Variants in SCN9A observed in about 807,000 individuals in gnomAD.
The protein encoded by SCN9A is sodium channel protein type 9 subunit alpha.
In SCN9A, 131 loss-of-function variants were observed where a neutral mutation model predicts 187.0. The observed-to-expected ratio is 0.70, with a 90% CI of 0.61 to 0.81. The LOEUF (loss-of-function observed/expected upper bound fraction) is 0.81, where lower values mean the gene tolerates loss of function less well. Among genes scored for constraint, SCN9A ranks in the 30% least tolerant of loss-of-function variants. SCN9A has a pLI of 0.00. For synonymous variants in SCN9A, 809 were observed against 808.6 expected, an observed-to-expected ratio of 1.00 and a Z score of -0.01; for missense variants, 2,252 against 2,396.6, an observed-to-expected ratio of 0.94 and a Z score of 1.26.
chr2:166,301,621 G>A (rs1698558699), intron 7 of SCN9A: 1 of 150,788 alleles, frequency 6.6e-6, no homozygotes, highest in South Asian at 2.1e-4. Flanking sequence ...TATAAACTCA[G>A]AAATAGGAGC....
intron 10 of SCN9A, among the ~76,000 whole-genome samples, chr2:166,286,989 A>G (rs930456059): frequency 1.3e-5 from 2 of 152,166 alleles, no homozygotes; most frequent in Non-Finnish European, 2.9e-5. Context: ...AATTAACTCC[A>G]TATCATCAAT....
In SCN9A at chr2:166,229,048, C is replaced by A. The variant is rs1177416513; in HGVS notation, c.3925-76G>T. On this transcript the variant is annotated intron_variant, in intron 21 of 26. Transcript: ENST00000642356. Reference sequence around the variant, plus strand: ...TAGGCAACATGAAAGAAATGCCATGCAGACATAAATAAATTAGAAAAGCCG... The same window carrying A: ...TAGGCAACATGAAAGAAATGCCATGAAGACATAAATAAATTAGAAAAGCCG... The A allele has an allele frequency of 4.2e-6, 5 of 1,191,944 alleles. No homozygotes were observed. In the East Asian group the frequency reaches 9.4e-5, roughly 22 times the overall value. The allele number at this position is 1,191,944 out of a possible 1,614,324, so 73.8% of individuals were successfully genotyped here. A position where few individuals can be genotyped will look rare whatever the true frequency, so the allele number is the denominator to read the frequency against.
chr2:166,328,788 CTA>C (rs1362066000), intron 1 of SCN9A, among the ~76,000 whole-genome samples: 1 of 152,030 alleles, frequency 6.6e-6, no homozygotes, highest in Non-Finnish European at 1.5e-5. Flanking sequence ...GTTTTCAAAA[CTA>C]TATAGGTTAA....
chr2:166,354,088 C>T (rs1441357826), intron 1 of SCN9A, among the ~76,000 whole-genome samples: 2 of 151,624 alleles, frequency 1.3e-5, no homozygotes, highest in African/African-American at 4.8e-5. Context: ...GTTCCAAGAG[C>T]ATCTTCAAAC....
chr2:166,316,399 A>G (rs1699108804), intron 1 of SCN9A, among the ~76,000 whole-genome samples: 2 of 152,336 alleles, frequency 1.3e-5, no homozygotes, highest in Admixed American at 1.3e-4. Context: ...TGAAAGTAAT[A>G]AATAATGTGT....
chr2:166,205,127 C>T (rs1693735790), intron 24 of SCN9A: 1 of 151,428 alleles, frequency 6.6e-6, no homozygotes, highest in Non-Finnish European at 1.5e-5. Flanking sequence ...ATCAAGCTAC[C>T]ACTGACTTTC....
intron 17 of SCN9A, among the ~76,000 whole-genome samples, chr2:166,260,144 C>T (rs1400776449): frequency 2.6e-5 from 4 of 151,672 alleles, no homozygotes; most frequent in South Asian, 2.1e-4. Context: ...TTAAAACCAC[C>T]ACATAGTAAA....
intron 1 of SCN9A, among the ~76,000 whole-genome samples, chr2:166,349,281 A>T (rs1699977281): frequency 6.6e-6 from 1 of 152,198 alleles, no homozygotes; most frequent in Non-Finnish European, 1.5e-5. Context: ...ATACTTATTC[A>T]GTTGTATACA....
intron 17 of SCN9A, among the ~76,000 whole-genome samples, chr2:166,268,596 G>A (rs1696842959): frequency 6.6e-6 from 1 of 151,778 alleles, no homozygotes; most frequent in Non-Finnish European, 1.5e-5. Context: ...TGATCTGAAT[G>A]GGAAAACAAA....
intron 8 of SCN9A, among the ~76,000 whole-genome samples, chr2:166,294,052 C>T (rs1220739340): frequency 6.6e-6 from 1 of 152,130 alleles, no homozygotes; most frequent in Non-Finnish European, 1.5e-5. Flanking sequence ...GCTTATGCAG[C>T]TGATGCTACA....
intron 9 of SCN9A, among the ~76,000 whole-genome samples, chr2:166,292,070 T>G (rs947444490): frequency 6.6e-6 from 1 of 151,940 alleles, no homozygotes; most frequent in Admixed American, 6.6e-5. Context: ...AATTGACAAA[T>G]GGGATATAAC....
At chr2:166,242,423 CATG>C (rs1695606140) in intron 19 of SCN9A, 76 bp downstream of exon 19, 1 of 1,254,926 alleles carries the variant, frequency 8.0e-7, no homozygotes, top group African/African-American at 1.5e-5. Flanking sequence ...AACAACTTGC[CATG>C]ATATTTTTAT....
intron 2 of SCN9A, among the ~76,000 whole-genome samples, chr2:166,308,732 C>A (rs2106530271): frequency 6.6e-6 from 1 of 152,046 alleles, no homozygotes; most frequent in African/African-American, 2.4e-5. Context: ...ACCATCCTGG[C>A]TAACACGGTG....
chr2:166,199,117 A>T lies in SCN9A; in HGVS notation c.5522T>A (p.Ile1841Asn). The part of the protein sequence containing the change: ...VSGDRIHCLD[I>N]LFAFTKRVLG... ...AACACGCTTTGTAAAAGCAAATAAG[A>T]TGTCAAGACAATGGATCCGGTCACC... The change falls in exon 27 of 27, where the codon ATC (isoleucine) becomes AAC (asparagine). Residue 1841 changes from isoleucine (I) to asparagine (N), a missense_variant. By Grantham distance (149) the Ile-to-Asn change is moderately radical (BLOSUM62 -3). Around this residue, in one of 7 missense-constraint regions of SCN9A, gnomAD observed 345 missense variants for 344.6 expected, o/e 1.00. Coordinates refer to ENST00000642356, the MANE Select transcript of SCN9A (RefSeq NM_001365536.1). 6.2e-7 allele frequency: 1 copy of T among 1,614,210 alleles called. No individual in the cohort carries two copies. The highest frequency in any genetic ancestry group is 2.2e-5 in the East Asian group (1 of 44,876).
chr2:166,331,941 C>T (rs1438415483), intron 1 of SCN9A, among the ~76,000 whole-genome samples: 6 of 152,120 alleles, frequency 3.9e-5, no homozygotes, highest in South Asian at 4.2e-4. Flanking sequence ...TCCTTCTTAT[C>T]TAGAATGAAC....
intron 21 of SCN9A, among the ~76,000 whole-genome samples, chr2:166,231,587 T>A (rs1171294342): frequency 2.1e-5 from 3 of 141,414 alleles, no homozygotes; most frequent in African/African-American, 8.0e-5. Flanking sequence ...AGTCTTGCTC[T>A]GTTCCCCAGG....
At chr2:166,319,428 G>A (rs1699185312) in intron 1 of SCN9A, among the ~76,000 whole-genome samples, 1 of 151,144 alleles carries the variant, frequency 6.6e-6, no homozygotes, top group Admixed American at 6.6e-5. Flanking sequence ...AAGGGAATTT[G>A]TTTCTTTAGA....
intron 16 of SCN9A, 75 bp from the exon 17 acceptor site, chr2:166,272,950 CTT>C: frequency 1.4e-6 from 1 of 710,492 alleles, no homozygotes. Context: ...AATAAGTACA[CTT>C]TTCCGAATAT....
chr2:166,224,516 CTCT>C (rs1694764365), intron 24 of SCN9A, among the ~76,000 whole-genome samples: 1 of 152,142 alleles, frequency 6.6e-6, no homozygotes, highest in African/African-American at 2.4e-5. Flanking sequence ...CTCCAAAGAT[CTCT>C]TTTTGTATAG....
Sources: gnomAD v4.1 joint callset for allele counts (sites outside exome capture counted in the v4.1 genomes callset) on GRCh38, gnomAD v4.1.1 for gene constraint, gnomAD v4.1.1 regional missense constraint, MANE v1.5 for transcripts, NCBI Gene and HGNC (gene_info 2026-07-23, HGNC 2026-07-21) for gene names.